The following CHST11 variants were observed in gnomAD, a reference collection of about 807,000 sequenced individuals.
CHST11 encodes carbohydrate sulfotransferase 11, also known as C4S-1.
Under a neutral mutation model 30.4 loss-of-function variants are expected in CHST11, and 9 were observed. The observed-to-expected ratio is 0.30, with a 90% CI of 0.18 to 0.52. The LOEUF is 0.52. CHST11 is among the 20% of genes least tolerant of loss of function. The probability of loss-of-function intolerance (pLI) is 0.97; values close to 1 mark genes in which losing one functional copy is unlikely to be tolerated. For missense variants in CHST11, 348 were observed against 460.6 expected (o/e 0.76, Z 2.24); for synonymous variants, 152 against 187.8 (o/e 0.81, Z 1.56).
chr12:104,606,512 TAGTTA>T (rs1342302699), intron 2 of CHST11, among the ~76,000 whole-genome samples: 2 of 152,206 alleles, frequency 1.3e-5, no homozygotes, highest in Non-Finnish European at 2.9e-5. Flanking sequence ...CCCCGTTTTT[TAGTTA>T]AGTTAACTGA....
At chr12:104,728,014 A>G (rs556684458) in intron 2 of CHST11, among the ~76,000 whole-genome samples, 3 of 152,208 alleles carry the variant, frequency 2.0e-5, no homozygotes, top group South Asian at 4.1e-4. Flanking sequence ...GATAAAATCC[A>G]GTGTTGAAAG....
intron 1 of CHST11, among the ~76,000 whole-genome samples, chr12:104,473,708 T>A (rs1000144084): frequency 6.6e-6 from 1 of 152,070 alleles, no homozygotes; most frequent in African/African-American, 2.4e-5. Flanking sequence ...GTAGAGCTCA[T>A]ACACAATGTA....
intron 1 of CHST11, among the ~76,000 whole-genome samples, chr12:104,544,955 G>A (rs539119248): frequency 1.1e-4 from 16 of 152,130 alleles, no homozygotes; most frequent in African/African-American, 3.9e-4. Context: ...AAAATGGGTG[G>A]GTTTATTAGG....
At chr12:104,640,287 G>A (rs1029546028) in intron 2 of CHST11, among the ~76,000 whole-genome samples, 1 of 152,142 alleles carries the variant, frequency 6.6e-6, no homozygotes, top group Non-Finnish European at 1.5e-5. Flanking sequence ...AAATGTTTAT[G>A]GCAGCTTTAT....
At chr12:104,475,659 T>TAC (rs2037550483) in intron 1 of CHST11, among the ~76,000 whole-genome samples, 1 of 32,986 alleles carries the variant, frequency 3.0e-5, no homozygotes, top group Non-Finnish European at 6.1e-5. Context: ...AAAGCAGCAT[T>TAC]ATATATATAT....
chr12:104,525,863 G>T (rs1242546674), intron 1 of CHST11, among the ~76,000 whole-genome samples: 2 of 147,220 alleles, frequency 1.4e-5, no homozygotes, highest in Non-Finnish European at 3.0e-5. Flanking sequence ...TTGCATCTTT[G>T]CTATGATGCC....
At chr12:104,558,817 G>A (rs1176684188) in intron 1 of CHST11, among the ~76,000 whole-genome samples, 1 of 152,040 alleles carries the variant, frequency 6.6e-6, no homozygotes, top group Non-Finnish European at 1.5e-5. Context: ...GGGATTACAG[G>A]CTTGAGTCAC....
At chr12:104,632,597 C>A (rs183099036) in intron 2 of CHST11, among the ~76,000 whole-genome samples, 73 of 152,314 alleles carry the variant, frequency 4.8e-4, no homozygotes, top group African/African-American at 1.6e-3. Context: ...GAGGAGGGAA[C>A]CTCCTGAAAT....
intron 1 of CHST11, among the ~76,000 whole-genome samples, chr12:104,586,015 AT>A (rs1177133083): frequency 6.6e-6 from 1 of 151,846 alleles, no homozygotes; most frequent in African/African-American, 2.4e-5. Flanking sequence ...CAAAGACTCT[AT>A]TTCCGGAGGT....
At chr12:104,734,110 G>C (rs2040279164) in intron 2 of CHST11, among the ~76,000 whole-genome samples, 2 of 152,260 alleles carry the variant, frequency 1.3e-5, no homozygotes, top group Admixed American at 1.3e-4. Flanking sequence ...CAGCAGAGCT[G>C]CTTATTGAGA....
At position 104,676,138 on chromosome 12, in the gene CHST11, AC is replaced by A. The variant is rs2039740641; in HGVS notation, c.204+74149del. 6.6e-6 allele frequency among the ~76,000 whole-genome samples: 1 copy of A among 152,226 alleles called. No individual in the cohort carries two copies. ...CAAGAGATCAGCCTGCAGTTAGGGC[AC>A]CGTATTGGTTTCCAATTGCTGCTGT... On this transcript the variant is annotated intron_variant, in intron 2 of 2. Coordinates refer to ENST00000303694, the MANE Select transcript of CHST11 (RefSeq NM_018413.6). The surrounding 1 kb of genome is among the most constrained non-coding windows in gnomAD (Gnocchi z 4.4).
At chr12:104,747,053 A>C (rs1442228846) in intron 2 of CHST11, among the ~76,000 whole-genome samples, 1 of 152,220 alleles carries the variant, frequency 6.6e-6, no homozygotes, top group Non-Finnish European at 1.5e-5. Flanking sequence ...GGAGCCCCTG[A>C]AATAGTGGAG....
At chr12:104,548,300 A>G (rs6539158) in intron 1 of CHST11, among the ~76,000 whole-genome samples, 73,937 of 151,730 alleles carry the variant, frequency 0.49, 18,283 homozygotes, top group Middle Eastern at 0.68. Context: ...TAAACAGTTA[A>G]CAATTAGATC....
chr12:104,624,603 C>T (rs987066580), intron 2 of CHST11, among the ~76,000 whole-genome samples: 6 of 152,156 alleles, frequency 3.9e-5, no homozygotes, highest in East Asian at 3.8e-4. Context: ...ATACCTTACA[C>T]GACTACTGTG....
Position 104,652,991 on chromosome 12 carries a change from AT to A in CHST11, c.204+51002del, listed in dbSNP as rs2039508065. Reference sequence around the variant, plus strand: ...GGGAGGCAGTGAGCTTTTTTTTTAAATTGTAAAAAACACATAACCTAAAATG... The same window carrying A: ...GGGAGGCAGTGAGCTTTTTTTTTAAATGTAAAAAACACATAACCTAAAATG... On this transcript the variant is annotated intron_variant, in intron 2 of 2. Transcript: ENST00000303694. 2.6e-5 allele frequency among the ~76,000 whole-genome samples: 4 copies of A among 152,204 alleles called. No individual in the cohort carries two copies. The South Asian group carries it at 8.3e-4, about 32-fold the overall frequency.
At chr12:104,661,953 A>T (rs1436435134) in intron 2 of CHST11, among the ~76,000 whole-genome samples, 1 of 152,198 alleles carries the variant, frequency 6.6e-6, no homozygotes, top group African/African-American at 2.4e-5. Context: ...CAAAAAGAAG[A>T]TGTTACTTTT....
intron 2 of CHST11, among the ~76,000 whole-genome samples, chr12:104,630,311 G>A: frequency 6.6e-6 from 1 of 152,198 alleles, no homozygotes; most frequent in Non-Finnish European, 1.5e-5. Flanking sequence ...TAACTTCTGT[G>A]TGCCGCTGTC....
intron 1 of CHST11, among the ~76,000 whole-genome samples, chr12:104,486,101 T>C (rs1355535059): frequency 6.6e-6 from 1 of 152,212 alleles, no homozygotes; most frequent in Non-Finnish European, 1.5e-5. Flanking sequence ...GCCTGGGCTT[T>C]GGGGCTCCCT....
intron 2 of CHST11, among the ~76,000 whole-genome samples, chr12:104,730,098 C>CCA (rs2040245314): frequency 6.6e-6 from 1 of 152,168 alleles, no homozygotes; most frequent in South Asian, 2.1e-4. Context: ...CTGGGGCCTC[C>CCA]GTCTAGGGCC....
Sources: allele counts gnomAD v4.1 joint callset (sites outside exome capture counted in the v4.1 genomes callset), GRCh38; gene constraint gnomAD v4.1.1; non-coding constraint Gnocchi (gnomAD v3.1); transcripts MANE v1.5; gene names NCBI Gene and HGNC (gene_info 2026-07-23, HGNC 2026-07-21).